Variants in SOX30 observed in about 807,000 individuals in gnomAD.
The protein encoded by SOX30 is SRY-box transcription factor 30, also known as transcription factor SOX-30.
A neutral mutation model predicts 58.6 loss-of-function variants in SOX30; 17 were observed. The observed-to-expected ratio is 0.29, with a 90% CI of 0.20 to 0.44. The LOEUF is 0.44. Ranked by LOEUF, SOX30 falls within the 20% of genes least tolerant of loss-of-function variation. SOX30 has a pLI of 1.00. For missense variants in SOX30, 951 were observed against 965.8 expected (o/e 0.98, Z 0.20); for synonymous variants, 421 against 400.2 (o/e 1.05, Z -0.62).
chr5:157,633,004 G>A (rs572310641), intron 4 of SOX30, among the ~76,000 whole-genome samples: 49 of 152,138 alleles, frequency 3.2e-4, no homozygotes, highest in African/African-American at 9.2e-4. Context: ...CACGAGAATC[G>A]CTTGAACCCC....
chr5:157,646,877 T>C, intron 2 of SOX30, 61 bp from the exon 3 acceptor site: 1 of 1,278,874 alleles, frequency 7.8e-7, no homozygotes, highest in African/African-American at 1.5e-5. Flanking sequence ...ATAATTTTTT[T>C]CATACTAAAA....
At chr5:157,654,456 C>T (rs901871086), upstream of SOX30, among the ~76,000 whole-genome samples, 1 of 152,160 alleles carries the variant, frequency 6.6e-6, no homozygotes. Context: ...CCATACCACA[C>T]TTTGAGAACC....
intron 1 of SOX30, chr5:157,671,220 C>T (rs1260396751): frequency 9.8e-6 from 2 of 203,260 alleles, no homozygotes; most frequent in Non-Finnish European, 2.0e-5. Flanking sequence ...CAGACCTCAG[C>T]TCCATGCCGC....
chr5:157,632,326 C>T (rs897671994), intron 4 of SOX30, among the ~76,000 whole-genome samples: 18 of 152,146 alleles, frequency 1.2e-4, no homozygotes, highest in Non-Finnish European at 2.2e-4. Flanking sequence ...TCAAGAGGGA[C>T]CCTACACAGT....
intron 4 of SOX30, among the ~76,000 whole-genome samples, chr5:157,631,938 G>A (rs1758820858): frequency 1.4e-5 from 2 of 147,540 alleles, no homozygotes; most frequent in Admixed American, 1.4e-4. Flanking sequence ...AGTTATTCAG[G>A]AGGCTGAGAA....
chr5:157,670,679 T>G (rs1258888413), intron 1 of SOX30, among the ~76,000 whole-genome samples: 1 of 152,204 alleles, frequency 6.6e-6, no homozygotes, highest in Admixed American at 6.5e-5. Context: ...CAGTTCAGTT[T>G]CACCACTTTA....
At chr5:157,640,721 C>G (rs1046742069) in intron 3 of SOX30, among the ~76,000 whole-genome samples, 1 of 152,080 alleles carries the variant, frequency 6.6e-6, no homozygotes, top group African/African-American at 2.4e-5. Flanking sequence ...CGATCCTAAC[C>G]CCTAGGATTG....
Position 157,638,393 on chromosome 5 carries a change from G to A in SOX30, c.1717C>T (p.Pro573Ser). The A allele has an allele frequency of 6.2e-7, 1 of 1,613,902 alleles. No homozygotes were observed. Among genetic ancestry groups the A allele is most frequent in the African/African-American group, 1.3e-5 (1 of 74,990 alleles). The change falls in exon 4 of 5, where the codon CCT (proline) becomes TCT (serine). Residue 573 changes from proline (P) to serine (S), a missense_variant. By Grantham distance (74) the Pro-to-Ser change is moderately conservative. Transcript: ENST00000265007. ...QPPREYSSVS[P>S]CPRSAPIPQA... ...GGGATTGGAGCACTTCTGGGACAAG[G>A]GGAAACGCTGGAATACTCCCTAGGA...
At chr5:157,667,807 T>G (rs1230149726) in exon 2 of SOX30, 1 of 1,535,356 alleles carries the variant, frequency 6.5e-7, no homozygotes, top group Admixed American at 2.0e-5. Flanking sequence ...CCTTGCTGGA[T>G]GCACAGTAGA....
chr5:157,668,959 T>A (rs907918280), intron 1 of SOX30, among the ~76,000 whole-genome samples: 1 of 152,272 alleles, frequency 6.6e-6, no homozygotes. Flanking sequence ...GAATCCCGGC[T>A]TTCCTCACTT....
intron 3 of SOX30, 141 bp from the exon 4 acceptor site, chr5:157,638,863 CTA>C: frequency 1.3e-6 from 1 of 749,846 alleles, no homozygotes; most frequent in Non-Finnish European, 2.1e-6. Context: ...TCAAACCACT[CTA>C]TTTCATTTGC....
chr5:157,668,949 G>A (rs910619872), intron 1 of SOX30, among the ~76,000 whole-genome samples: 18 of 152,164 alleles, frequency 1.2e-4, no homozygotes, highest in African/African-American at 4.1e-4. Context: ...GTGAGAATGG[G>A]AATCCCGGCT....
rs1331685941 is a variant in SOX30, at chr5:157,626,355, C to T, written c.2247G>A (p.Val749=). 4.4e-6 allele frequency: 7 copies of T among 1,605,284 alleles called. No individual in the cohort carries two copies. Among genetic ancestry groups the T allele is most frequent in the Non-Finnish European group, 6.0e-6 (7 of 1,176,170 alleles). ...TGTTTTAAAATTATAAATCCCTGAGCACTTTTTCTTCTTCCTCCTCATCAC... is the reference window on the plus strand; with the variant it reads ...TGTTTTAAAATTATAAATCCCTGAGTACTTTTTCTTCTTCCTCCTCATCAC... The part of the protein sequence containing the change: ...TDSDEEEEEK[V]LRDL Residue 749 remains valine (V), a synonymous_variant, in exon 5 of 5, where the codon GTG becomes GTA. Coordinates refer to ENST00000265007, the MANE Select transcript of SOX30 (RefSeq NM_178424.2).
At position 157,638,570 on chromosome 5, in the gene SOX30, T is replaced by G. The variant is rs1283199991; in HGVS notation, c.1540A>C (p.Thr514Pro). The G allele has an allele frequency of 6.2e-7, 1 of 1,613,976 alleles. No individual in the cohort carries two copies. Among genetic ancestry groups the G allele is most frequent in the Non-Finnish European group, 8.5e-7 (1 of 1,180,012 alleles). Residue 514 changes from threonine to proline, a missense_variant, in exon 4 of 5, where the codon ACT (threonine) becomes CCT (proline). By Grantham distance (38) the Thr-to-Pro change is conservative. This residue lies in a region of SOX30 where 381 missense variants were observed against 390.0 expected (regional missense o/e 0.98). Transcript: ENST00000265007. Reference sequence around the variant, plus strand: ...TGAGTGTCTGTTTGGGAAGGCCCAGTAAAGCGTTGGGGTGGGAGTGCTGGA... The same window carrying G: ...TGAGTGTCTGTTTGGGAAGGCCCAGGAAAGCGTTGGGGTGGGAGTGCTGGA... The part of the protein sequence containing the change: ...VYPALPPQRF[T>P]GPSQTDTHQL...
chr5:157,652,003 C>G lies in SOX30; in HGVS notation c.76G>C (p.Gly26Arg). The change falls in exon 1 of 5, where the codon GGC becomes CGC. Residue 26 changes from glycine to arginine, a missense_variant. Physicochemically the swap from Gly to Arg is moderately radical, Grantham distance 125. Transcript: ENST00000265007. ...RPAPPPLPVE[G>R]TSFWAAAMEP... ...ATGGCTGCTGCCCAAAAGGAGGTGCCCTCGACCGGCAGCGGGGGCGGAGCG... is the reference window on the plus strand; with the variant it reads ...ATGGCTGCTGCCCAAAAGGAGGTGCGCTCGACCGGCAGCGGGGGCGGAGCG... 7.0e-7 allele frequency: 1 copy of G among 1,430,472 alleles called. No homozygotes were observed. Among genetic ancestry groups the G allele is most frequent in the Non-Finnish European group, 9.1e-7 (1 of 1,100,352 alleles). 88.6% of individuals were successfully genotyped at this position (1,430,472 alleles called of 1,614,324 possible).
chr5:157,630,414 C>G (rs11745857), intron 4 of SOX30, among the ~76,000 whole-genome samples: 13,752 of 152,116 alleles, frequency 0.09, 716 homozygotes, highest in Middle Eastern at 0.15. Flanking sequence ...TAATGTGATG[C>G]CACTAGAAAT....
chr5:157,669,736 C>G (rs1288706853), intron 1 of SOX30, among the ~76,000 whole-genome samples: 1 of 151,830 alleles, frequency 6.6e-6, no homozygotes, highest in Non-Finnish European at 1.5e-5. Flanking sequence ...AGGTTGGTCT[C>G]GAAAACTCCT....
In SOX30 at chr5:157,651,210, G is replaced by A; in HGVS notation, c.869C>T (p.Pro290Leu). ...CATTTTAGTAGGCACTGGTGTCAGG[G>A]GGACCTTGGTCAATCTTATCAGCTC... ...PSELIRLTKV[P>L]LTPVPTKMQS... is the part of the protein sequence containing the mutation. Residue 290 changes from proline to leucine, a missense_variant, in exon 1 of 5, where the codon CCC becomes CTC. Transcript: ENST00000265007. 6.2e-7 allele frequency: 1 copy of A among 1,613,606 alleles called. No homozygotes were observed. Among genetic ancestry groups the A allele is most frequent in the Non-Finnish European group, 8.5e-7 (1 of 1,179,734 alleles).
chr5:157,661,809 C>T (rs575151557), intron 2 of SOX30, among the ~76,000 whole-genome samples: 16 of 152,212 alleles, frequency 1.1e-4, no homozygotes, highest in African/African-American at 3.1e-4. Flanking sequence ...ACATTCATGA[C>T]GAGTGTTGTT....
Sources: gnomAD v4.1 joint callset for allele counts (sites outside exome capture counted in the v4.1 genomes callset) on GRCh38, gnomAD v4.1.1 for gene constraint, gnomAD v4.1.1 regional missense constraint, MANE v1.5 for transcripts, NCBI Gene and HGNC (gene_info 2026-07-23, HGNC 2026-07-21) for gene names.